HTR4: variants seen among roughly 807,000 people sequenced by gnomAD.
The protein encoded by HTR4 is 5-hydroxytryptamine (serotonin) receptor 4, G protein-coupled.
HTR4 carries 16 observed loss-of-function variants against 36.8 expected under a neutral mutation model. The observed-to-expected ratio is 0.43, with a 90% CI of 0.29 to 0.66. The LOEUF is 0.66. Ranked by LOEUF, HTR4 falls within the 30% of genes least tolerant of loss-of-function variation. HTR4 has a pLI of 0.13. For synonymous variants in HTR4, 189 were observed against 185.1 expected (o/e 1.02, Z -0.17); for missense variants, 438 against 490.9 (o/e 0.89, Z 1.02).
chr5:148,475,471 A>G (rs1336185622), downstream of HTR4, among the ~76,000 whole-genome samples: 1 of 152,226 alleles, frequency 6.6e-6, no homozygotes, highest in East Asian at 1.9e-4. Context: ...GGAGAGGATT[A>G]AGAGGCATAT....
At chr5:148,617,703 G>A (rs1752756895) in intron 2 of HTR4, among the ~76,000 whole-genome samples, 1 of 152,030 alleles carries the variant, frequency 6.6e-6, no homozygotes, top group African/African-American at 2.4e-5. Flanking sequence ...TCCTGACTTT[G>A]TGATCTGCCT....
chr5:148,463,415 C>T (rs1018998682), intron 5 of HTR4, among the ~76,000 whole-genome samples: 5 of 151,612 alleles, frequency 3.3e-5, no homozygotes, highest in Admixed American at 6.6e-5. Flanking sequence ...CTCCTGACCT[C>T]GTGATCCACC....
chr5:148,545,547 A>C (rs1033495150), intron 4 of HTR4, among the ~76,000 whole-genome samples: 3 of 152,236 alleles, frequency 2.0e-5, no homozygotes, highest in Admixed American at 6.5e-5. Flanking sequence ...CAAAGGAGAA[A>C]AATGGTTTTG....
intron 6 of HTR4, among the ~76,000 whole-genome samples, chr5:148,508,417 T>C (rs1008894529): frequency 6.6e-6 from 1 of 152,152 alleles, no homozygotes; most frequent in African/African-American, 2.4e-5. Flanking sequence ...GTACCATAAC[T>C]AGACACTGAA....
rs71001490 is a variant in HTR4, at chr5:148,463,165, C to CTTTTT, written c.1077-11898_1077-11894dup. The stretch of plus-strand genomic sequence containing the variant: ...CTTTGCTTTTCATTTCTTTTTTTTT[C>CTTTTT]TTTTTTTTTTTTTTTTTTTTTTTTT... On this transcript the variant is annotated intron_variant, in intron 5 of 5. Coordinates refer to the HTR4 transcript ENST00000521530. 2.9e-3 allele frequency among the ~76,000 whole-genome samples: 188 copies of CTTTTT among 64,142 alleles called. 9 individuals carry two copies. Among genetic ancestry groups the CTTTTT allele is most frequent in the Non-Finnish European group, 3.1e-3 (113 of 36,452 alleles). 42.1% of individuals were successfully genotyped at this position (64,142 alleles called of 152,430 possible). A position where few individuals can be genotyped will look rare whatever the true frequency, so the allele number is the denominator to read the frequency against.
chr5:148,527,709 G>T (rs1374431681), intron 4 of HTR4, among the ~76,000 whole-genome samples: 1 of 152,108 alleles, frequency 6.6e-6, no homozygotes, highest in African/African-American at 2.4e-5. Flanking sequence ...CCGCCTCCCA[G>T]GCTCAATTGA....
chr5:148,471,284 T>C (rs141534642), intron 5 of HTR4, among the ~76,000 whole-genome samples: 1 of 152,160 alleles, frequency 6.6e-6, no homozygotes, highest in Non-Finnish European at 1.5e-5. Flanking sequence ...GCCGACCCCA[T>C]GCCTAGTACA....
At chr5:148,562,603 C>T (rs189680555) in intron 2 of HTR4, among the ~76,000 whole-genome samples, 1 of 152,244 alleles carries the variant, frequency 6.6e-6, no homozygotes, top group African/African-American at 2.4e-5. Flanking sequence ...ATCACAACCA[C>T]TTTTATCCCA....
intron 6 of HTR4, among the ~76,000 whole-genome samples, chr5:148,507,401 C>T (rs1417388209): frequency 1.3e-5 from 2 of 148,918 alleles, no homozygotes; most frequent in Non-Finnish European, 3.0e-5. Context: ...GGAGGGATAA[C>T]ATTAGGAGAT....
chr5:148,494,795 G>A (rs1756613578), intron 6 of HTR4, among the ~76,000 whole-genome samples: 1 of 152,158 alleles, frequency 6.6e-6, no homozygotes, highest in Admixed American at 6.5e-5. Flanking sequence ...ATGAACACTT[G>A]GAATATAACT....
chr5:148,637,447 A>G (rs1753584706), intron 1 of HTR4, among the ~76,000 whole-genome samples: 1 of 152,054 alleles, frequency 6.6e-6, no homozygotes, highest in Non-Finnish European at 1.5e-5. Context: ...TTTTGTTCCT[A>G]TGAGGATTTT....
intron 6 of HTR4, among the ~76,000 whole-genome samples, chr5:148,491,614 C>T (rs1756448072): frequency 1.3e-5 from 2 of 152,112 alleles, no homozygotes; most frequent in African/African-American, 2.4e-5. Flanking sequence ...AGTATTCCCA[C>T]GTTGTGACAA....
Position 148,610,732 on chromosome 5 carries a change from C to T in HTR4, c.26+26257G>A, listed in dbSNP as rs376101505. On this transcript the variant is annotated intron_variant, in intron 2 of 6. Transcript: ENST00000377888. ...CTTTAGACGATCAAATTACTCTGAG[C>T]TACGGGAGGACATTCAAACCAAAGG... is the stretch of plus-strand genomic sequence containing the variant. Among the ~76,000 whole-genome samples the T allele has an allele frequency of 9.3e-5, 14 of 150,050 alleles. No homozygotes were observed. In the East Asian group the frequency reaches 2.6e-3, roughly 27 times the overall value.
At position 148,482,714 on chromosome 5, in the gene HTR4, T is replaced by C; in HGVS notation, c.*489A>G. On this transcript the variant is annotated 3_prime_UTR_variant, in exon 7 of 7. Coordinates refer to ENST00000377888, the MANE Select transcript of HTR4 (RefSeq NM_000870.7). ...AGGCAGGGGATAGCTTGAACATGGC[T>C]GTGACGGACGTGACCAAGCAAGTAA... 1 of 1,008,808 alleles carries C rather than the reference T, an allele frequency of 9.9e-7. No homozygotes were observed. The highest frequency in any genetic ancestry group is 1.2e-6 in the Non-Finnish European group (1 of 842,400). 62.5% of individuals were successfully genotyped at this position (1,008,808 alleles called of 1,614,324 possible).
At chr5:148,603,069 G>A (rs1762052666) in intron 2 of HTR4, among the ~76,000 whole-genome samples, 2 of 151,932 alleles carry the variant, frequency 1.3e-5, no homozygotes, top group Non-Finnish European at 2.9e-5. Flanking sequence ...AGAAAAAAGG[G>A]CAGAATGACC....
chr5:148,549,792 C>T (rs1179143950), intron 3 of HTR4, among the ~76,000 whole-genome samples: 1 of 152,162 alleles, frequency 6.6e-6, no homozygotes, highest in African/African-American at 2.4e-5. Flanking sequence ...GGTTTAATTT[C>T]TAGATCTGTC....
rs764294503 is a variant in HTR4 at position 148,510,007 on chromosome 5, G to GA, written c.524dup (p.Asn176GlnfsTer5). ...AGTACGTAGAGTTAGAGTTCTGGTT[G>GA]AACTTCCTCTTTTCTATCTGAGAGT... On this transcript the variant is annotated frameshift_variant, in exon 6 of 7. Coordinates refer to ENST00000377888, the MANE Select transcript of HTR4 (RefSeq NM_000870.7). LOFTEE classifies it high-confidence loss of function. 2 of 1,611,230 alleles carry GA rather than the reference G, an allele frequency of 1.2e-6. No individual in the cohort carries two copies. The highest frequency in any genetic ancestry group is 1.7e-6 in the Non-Finnish European group (2 of 1,178,246).
chr5:148,615,379 A>G (rs1284234545), intron 2 of HTR4, among the ~76,000 whole-genome samples: 1 of 151,672 alleles, frequency 6.6e-6, no homozygotes, highest in African/African-American at 2.4e-5. Context: ...TGTCCTTTGT[A>G]GGGACATGGA....
chr5:148,487,694 G>A (rs1424613019), intron 6 of HTR4, among the ~76,000 whole-genome samples: 1 of 149,916 alleles, frequency 6.7e-6, no homozygotes, highest in Non-Finnish European at 1.5e-5. Context: ...CTTAGAGATA[G>A]AGACAGTAGA....
Sources: allele counts gnomAD v4.1 joint callset (sites outside exome capture counted in the v4.1 genomes callset), GRCh38; gene constraint gnomAD v4.1.1; transcripts MANE v1.5; gene names NCBI Gene and HGNC (gene_info 2026-07-23, HGNC 2026-07-21).